Variants in CDH13 observed in about 807,000 individuals in gnomAD.
CDH13 encodes cadherin 13, also known as cadherin-13.
In CDH13, 24 loss-of-function variants were observed where a neutral mutation model predicts 63.8. That is an observed-to-expected ratio of 0.38 (90% confidence interval 0.27 to 0.53). CDH13 has a LOEUF of 0.53. Among genes scored for constraint, CDH13 ranks in the 20% least tolerant of loss-of-function variants. The pLI is 0.85. For synonymous variants in CDH13, 503 were observed against 355.3 expected (o/e 1.42, Z -4.67); for missense variants, 1,049 against 903.1 (o/e 1.16, Z -2.07).
At chr16:83,633,200 A>C (rs1910937382) in intron 8 of CDH13, among the ~76,000 whole-genome samples, 1 of 151,794 alleles carries the variant, frequency 6.6e-6, no homozygotes, top group African/African-American at 2.4e-5. Flanking sequence ...CAACCTCCTG[A>C]CAATGCAACC....
intron 6 of CDH13, among the ~76,000 whole-genome samples, chr16:83,416,760 C>A (rs989262379): frequency 2.6e-5 from 4 of 152,150 alleles, no homozygotes; most frequent in African/African-American, 7.2e-5. Flanking sequence ...GGGGTCAAAT[C>A]TCTGAGATTC....
chr16:82,882,312 T>C (rs2040732601), intron 2 of CDH13, among the ~76,000 whole-genome samples: 1 of 152,208 alleles, frequency 6.6e-6, no homozygotes, highest in African/African-American at 2.4e-5. Flanking sequence ...GCCTGGGTAC[T>C]AATGTCATCT....
intron 8 of CDH13, among the ~76,000 whole-genome samples, chr16:83,667,008 T>G (rs1038648220): frequency 8.1e-6 from 1 of 123,506 alleles, no homozygotes; most frequent in Non-Finnish European, 1.8e-5. Flanking sequence ...GATGGATGGA[T>G]GGATGGATGG....
At chr16:83,377,231 A>G (rs558912201) in intron 6 of CDH13, among the ~76,000 whole-genome samples, 33 of 152,338 alleles carry the variant, frequency 2.2e-4, no homozygotes, top group Non-Finnish European at 3.5e-4. Context: ...TGAATTAAAC[A>G]TAAAAAGGAG....
chr16:83,756,527 T>C (rs1913519860), intron 11 of CDH13, among the ~76,000 whole-genome samples: 1 of 152,266 alleles, frequency 6.6e-6, no homozygotes, highest in Non-Finnish European at 1.5e-5. Context: ...TTTTAAACTT[T>C]CTTTAAACAA....
chr16:83,543,447 A>C (rs1235025012), intron 7 of CDH13, among the ~76,000 whole-genome samples: 10 of 152,222 alleles, frequency 6.6e-5, no homozygotes, highest in Admixed American at 6.5e-4. Flanking sequence ...TGAGGCGCTG[A>C]CTATGATGAT....
chr16:83,057,589 TAAA>T (rs11354363), intron 3 of CDH13, among the ~76,000 whole-genome samples: 5 of 147,716 alleles, frequency 3.4e-5, no homozygotes, highest in East Asian at 2.0e-4. Flanking sequence ...TTTCTATTGT[TAAA>T]AAAAAAAAAA....
intron 4 of CDH13, chr16:83,171,562 C>G (rs1258760973): frequency 6.5e-7 from 1 of 1,533,744 alleles, no homozygotes; most frequent in African/African-American, 1.4e-5. Context: ...CGATGGCTGA[C>G]ATGAGATAAG....
chr16:82,911,741 G>A (rs997346222), intron 2 of CDH13, among the ~76,000 whole-genome samples: 10 of 152,022 alleles, frequency 6.6e-5, no homozygotes, highest in Non-Finnish European at 1.0e-4. Flanking sequence ...TTACTCAATG[G>A]CCATCCATTG....
rs144362752 is a variant in CDH13, at chr16:83,797,947, G to C, written c.*2917G>C. On this transcript the variant is annotated 3_prime_UTR_variant, in exon 14 of 14. Transcript: ENST00000567109. ...TTCAATAAAAGTCACCTTCAATACC[G>C]CCAGTTCTCTCCAAATGAGCATCAT... is the stretch of plus-strand genomic sequence containing the variant. 1 of 151,962 alleles carries C rather than the reference G, an allele frequency of 6.6e-6. No individual in the cohort carries two copies. The highest frequency in any genetic ancestry group is 6.6e-5 in the Admixed American group (1 of 15,246). The allele number at this position is 151,962 out of a possible 1,614,324, so 9.4% of individuals were successfully genotyped here. A position where few individuals can be genotyped will look rare whatever the true frequency, so the allele number is the denominator to read the frequency against.
At chr16:82,833,466 C>A (rs905950619) in intron 1 of CDH13, among the ~76,000 whole-genome samples, 1 of 152,216 alleles carries the variant, frequency 6.6e-6, no homozygotes, top group African/African-American at 2.4e-5. Flanking sequence ...AACCCAACAG[C>A]CTGTTGCTGT....
intron 1 of CDH13, among the ~76,000 whole-genome samples, chr16:82,843,663 T>C (rs1001856123): frequency 1.1e-4 from 16 of 152,250 alleles, no homozygotes; most frequent in Non-Finnish European, 2.2e-4. Flanking sequence ...ACTTTGGTTC[T>C]GAAAGATAAT....
At chr16:83,295,954 A>G (rs1414485352) in intron 5 of CDH13, among the ~76,000 whole-genome samples, 1 of 152,200 alleles carries the variant, frequency 6.6e-6, no homozygotes, top group African/African-American at 2.4e-5. Context: ...CAATGGATAA[A>G]CTATTTTTAA....
At chr16:82,681,143 G>C (rs1914499279) in intron 1 of CDH13, among the ~76,000 whole-genome samples, 3 of 152,228 alleles carry the variant, frequency 2.0e-5, no homozygotes, top group Admixed American at 2.0e-4. Flanking sequence ...AAAGATTAAA[G>C]GGAAAATGCA....
intron 6 of CDH13, among the ~76,000 whole-genome samples, chr16:83,395,507 C>T (rs1021163371): frequency 1.3e-5 from 2 of 152,086 alleles, no homozygotes; most frequent in African/African-American, 4.8e-5. Flanking sequence ...TAGGTTTGAC[C>T]TCCTGGAGGC....
intron 10 of CDH13, among the ~76,000 whole-genome samples, chr16:83,715,551 T>G (rs1343958460): frequency 6.6e-6 from 1 of 152,172 alleles, no homozygotes; most frequent in Non-Finnish European, 1.5e-5. Flanking sequence ...TACTATCCTG[T>G]GTCTTAAATG....
intron 4 of CDH13, among the ~76,000 whole-genome samples, chr16:83,186,283 C>T (rs1276601210): frequency 6.6e-6 from 1 of 151,850 alleles, no homozygotes; most frequent in Admixed American, 6.6e-5. Context: ...GGACTACGGG[C>T]ACATACCACC....
At chr16:83,578,010 A>T (rs1401140028) in intron 7 of CDH13, among the ~76,000 whole-genome samples, 1 of 152,202 alleles carries the variant, frequency 6.6e-6, no homozygotes, top group Non-Finnish European at 1.5e-5. Flanking sequence ...GCTTCTCAAC[A>T]ATATAATAGA....
intron 6 of CDH13, among the ~76,000 whole-genome samples, chr16:83,355,580 A>G (rs895649193): frequency 1.3e-5 from 2 of 152,228 alleles, no homozygotes; most frequent in African/African-American, 4.8e-5. Flanking sequence ...CAATTTTTAA[A>G]TAAATGGTTG....
Sources: allele counts gnomAD v4.1 joint callset (sites outside exome capture counted in the v4.1 genomes callset), GRCh38; gene constraint gnomAD v4.1.1; transcripts MANE v1.5; gene names NCBI Gene and HGNC (gene_info 2026-07-23, HGNC 2026-07-21).